GEN1: variants seen among roughly 807,000 people sequenced by gnomAD.
GEN1 encodes GEN1 structure-specific endonuclease, also known as flap endonuclease GEN homolog 1.
In GEN1, 64 loss-of-function variants were observed where a neutral mutation model predicts 67.6. That is an observed-to-expected ratio of 0.95 (90% CI 0.77 to 1.17). The LOEUF (loss-of-function observed/expected upper bound fraction) is 1.17, where lower values mean the gene tolerates loss of function less well. Ranked by LOEUF, GEN1 falls within the 50% of genes most tolerant of loss-of-function variation. GEN1 has a pLI of 0.00. For missense variants in GEN1, 1,058 were observed against 1,048.3 expected, an observed-to-expected ratio of 1.01 and a Z score of -0.13; for synonymous variants, 371 against 359.4, an observed-to-expected ratio of 1.03 and a Z score of -0.37.
In GEN1 at chr2:17,784,294, C is replaced by T. The variant is rs1329321814; in HGVS notation, c.*2355C>T. ...AAAACCACAAGACACCCAATGTCTA[C>T]AATCAAAAAGATAATAACTAGTATT... On this transcript the variant is annotated 3_prime_UTR_variant, in exon 14 of 14. Transcript: ENST00000381254. The T allele has an allele frequency of 6.6e-6, 1 of 152,048 alleles. No individual in the cohort carries two copies. Among genetic ancestry groups the T allele is most frequent in the Non-Finnish European group, 1.5e-5 (1 of 67,994 alleles). 9.4% of individuals were successfully genotyped at this position (152,048 alleles called of 1,614,324 possible).
At position 17,771,301 on chromosome 2, in the gene GEN1, G is replaced by A; in HGVS notation, c.802+14G>A. The stretch of plus-strand genomic sequence containing the variant: ...GTTCCCATCCAGGTAAGGAGACATA[G>A]GGAATGGTTATTAGTATCTCATACC... On this transcript the variant is annotated intron_variant, in intron 7 of 13. Transcript: ENST00000381254. 6.8e-7 allele frequency: 1 copy of A among 1,480,104 alleles called. No homozygotes were observed. The highest frequency in any genetic ancestry group is 9.4e-7 in the Non-Finnish European group (1 of 1,058,486). The allele number at this position is 1,480,104 out of a possible 1,614,324, so 91.7% of individuals were successfully genotyped here.
chr2:17,755,247 C>G (rs943875686), intron 1 of GEN1: 1 of 152,180 alleles, frequency 6.6e-6, no homozygotes, highest in South Asian at 2.1e-4. Flanking sequence ...ACTTACATGT[C>G]ACTTGCTTCA....
Position 17,787,159 on chromosome 2 carries a change from G to A in GEN1, c.*5220G>A, listed in dbSNP as rs901756983. 32 of 152,116 alleles carry A rather than the reference G, an allele frequency of 2.1e-4. No homozygotes were observed. The highest frequency in any genetic ancestry group is 7.7e-4 in the African/African-American group (32 of 41,410). The allele number at this position is 152,116 out of a possible 1,614,324, so 9.4% of individuals were successfully genotyped here. On this transcript the variant is annotated 3_prime_UTR_variant, in exon 14 of 14. Coordinates refer to ENST00000381254, the MANE Select transcript of GEN1 (RefSeq NM_001130009.3). ...ACATGTCATAACTTTATAATCCCAAGCAGAATTATTTGCTCTATACGTGTC... is the reference window on the plus strand; with the variant it reads ...ACATGTCATAACTTTATAATCCCAAACAGAATTATTTGCTCTATACGTGTC...
rs762102018 is a variant in GEN1, at chr2:17,784,437, T to C, written c.*2498T>C. On this transcript the variant is annotated 3_prime_UTR_variant, in exon 14 of 14. Coordinates refer to ENST00000381254, the MANE Select transcript of GEN1 (RefSeq NM_001130009.3). ...AATGGTTAAATGTAGAGTTACGATA[T>C]GATCCAGCAATTCCTCTCCCAGGTA... 2 of 152,246 alleles carry C rather than the reference T, an allele frequency of 1.3e-5. No individual in the cohort carries two copies. Among genetic ancestry groups the C allele is most frequent in the Non-Finnish European group, 2.9e-5 (2 of 68,038 alleles). 9.4% of individuals were successfully genotyped at this position (152,246 alleles called of 1,614,324 possible). A position where few individuals can be genotyped will look rare whatever the true frequency, so the allele number is the denominator to read the frequency against.
Position 17,786,018 on chromosome 2 carries a change from G to T in GEN1, c.*4079G>T, listed in dbSNP as rs1395733280. ...ATCTTGTCAGGCATACCTAGCTTCA[G>T]ATTCTTTTCTGCTAACAGATTTTCT... On this transcript the variant is annotated 3_prime_UTR_variant, in exon 14 of 14. Transcript: ENST00000381254. The T allele has an allele frequency of 3.9e-5, 6 of 152,190 alleles. No homozygotes were observed. Among genetic ancestry groups the T allele is most frequent in the Non-Finnish European group, 4.4e-5 (3 of 68,042 alleles). 9.4% of individuals were successfully genotyped at this position (152,190 alleles called of 1,614,324 possible).
In GEN1 at chr2:17,773,319, T is replaced by C. The variant is rs752956981; in HGVS notation, c.1071+20T>C. On this transcript the variant is annotated intron_variant, in intron 10 of 13. Coordinates refer to ENST00000381254, the MANE Select transcript of GEN1 (RefSeq NM_001130009.3). Reference sequence around the variant, plus strand: ...TTTCAGGTATCTGAAAATAAATTCTTCTTTACTGTATGAAGTTATATGCTG... The same window carrying C: ...TTTCAGGTATCTGAAAATAAATTCTCCTTTACTGTATGAAGTTATATGCTG... The C allele has an allele frequency of 7.0e-7, 1 of 1,425,928 alleles. No homozygotes were observed. The highest frequency in any genetic ancestry group is 1.8e-5 in the Admixed American group (1 of 55,554). 88.3% of individuals were successfully genotyped at this position (1,425,928 alleles called of 1,614,324 possible). A position where few individuals can be genotyped will look rare whatever the true frequency, so the allele number is the denominator to read the frequency against.
upstream of GEN1, among the ~76,000 whole-genome samples, chr2:17,753,467 G>A (rs1375738502): frequency 8.2e-6 from 1 of 121,818 alleles, no homozygotes; most frequent in East Asian, 2.0e-4. Flanking sequence ...CCGAGGAACG[G>A]ACATCTCCCG....
rs752033479 is a variant in GEN1, at chr2:17,785,999, T to A, written c.*4060T>A. The stretch of plus-strand genomic sequence containing the variant: ...GGGTAGCATGGCTTGAGCCATCTTG[T>A]CAGGCATACCTAGCTTCAGATTCTT... On this transcript the variant is annotated 3_prime_UTR_variant, in exon 14 of 14. Transcript: ENST00000381254. The A allele has an allele frequency of 2.6e-5, 4 of 152,264 alleles. No individual in the cohort carries two copies. Among genetic ancestry groups the A allele is most frequent in the Non-Finnish European group, 5.9e-5 (4 of 68,044 alleles). 9.4% of individuals were successfully genotyped at this position (152,264 alleles called of 1,614,324 possible).
chr2:17,788,060 C>T lies in GEN1; in HGVS notation c.*6121C>T, dbSNP rs566730692. 12 of 152,332 alleles carry T rather than the reference C, an allele frequency of 7.9e-5. No individual in the cohort carries two copies. The highest frequency in any genetic ancestry group is 2.2e-4 in the African/African-American group (9 of 41,576). The allele number at this position is 152,332 out of a possible 1,614,324, so 9.4% of individuals were successfully genotyped here. ...GGTGGATTAGCTTGATACCTAGTCG[C>T]CTTTAGCCACTTCAAGACGCCCTGC... On this transcript the variant is annotated 3_prime_UTR_variant, in exon 14 of 14. Transcript: ENST00000381254.
At chr2:17,759,386 A>G (rs73921075) in intron 1 of GEN1, among the ~76,000 whole-genome samples, 2 of 152,122 alleles carry the variant, frequency 1.3e-5, no homozygotes, top group Non-Finnish European at 1.5e-5. Context: ...GTTAAAAGTT[A>G]TAAGTGATTA....
chr2:17,759,455 C>T (rs1489439593), intron 1 of GEN1, among the ~76,000 whole-genome samples: 4 of 152,144 alleles, frequency 2.6e-5, no homozygotes, highest in South Asian at 4.1e-4. Flanking sequence ...AAAAAGCCAA[C>T]GCCCTTTTAA....
intron 3 of GEN1, among the ~76,000 whole-genome samples, chr2:17,762,200 G>T (rs76606624): frequency 3.6e-5 from 5 of 139,978 alleles, no homozygotes; most frequent in African/African-American, 5.3e-5. Flanking sequence ...TCTTTTTTTG[G>T]TTGTTTTTTT....
chr2:17,778,274 ATGTATATACACACACATG>A (rs1176720041), intron 12 of GEN1, among the ~76,000 whole-genome samples: 2,357 of 86,502 alleles, frequency 0.027, 434 homozygotes, highest in East Asian at 0.055. Context: ...GTGTACATAT[ATGTATATACACACACATG>A]TGTGTGTACA....
chr2:17,782,244 CT>C lies in GEN1; in HGVS notation c.*310del, dbSNP rs1672881913. On this transcript the variant is annotated 3_prime_UTR_variant, in exon 14 of 14. Coordinates refer to ENST00000381254, the MANE Select transcript of GEN1 (RefSeq NM_001130009.3). ...TACTTCATCTGATTGTTCATTTTTA[CT>C]TTTTCTTCCACAAGCCTCTAAAGTA... The C allele has an allele frequency of 1.6e-5, 3 of 183,932 alleles. No individual in the cohort carries two copies. In the Admixed American group the frequency reaches 1.8e-4, roughly 11 times the overall value. The allele number at this position is 183,932 out of a possible 1,614,324, so 11.4% of individuals were successfully genotyped here.
At chr2:17,769,632 G>A (rs1014908595) in intron 6 of GEN1, among the ~76,000 whole-genome samples, 10 of 152,102 alleles carry the variant, frequency 6.6e-5, no homozygotes, top group Admixed American at 2.6e-4. Context: ...AATCTTACTC[G>A]ACTGGCCTTT....
rs1290890809 is a variant in GEN1 at position 17,782,513 on chromosome 2, T to C, written c.*574T>C. The C allele has an allele frequency of 6.6e-6, 1 of 152,254 alleles. No individual in the cohort carries two copies. Among genetic ancestry groups the C allele is most frequent in the East Asian group, 1.9e-4 (1 of 5,206 alleles). 9.4% of individuals were successfully genotyped at this position (152,254 alleles called of 1,614,324 possible). ...ATACCTTTAGTGTGCTCTTCCACTT[T>C]TGGTGTCTTAGTCTCTTTTGAGGGG... is the stretch of plus-strand genomic sequence containing the variant. On this transcript the variant is annotated 3_prime_UTR_variant, in exon 14 of 14. Coordinates refer to ENST00000381254, the MANE Select transcript of GEN1 (RefSeq NM_001130009.3).
rs761334346 is a variant in GEN1, at chr2:17,766,002, A to AT, written c.526-571dup. Among the ~76,000 whole-genome samples, 3 of 151,890 alleles carry AT rather than the reference A, an allele frequency of 2.0e-5. No homozygotes were observed. In the East Asian group the frequency reaches 5.8e-4, roughly 29 times the overall value. ...TTTATTTTGTAAGATGGAAATCTAC[A>AT]TTTTTTAGACACCAGAAAGCAATAA... On this transcript the variant is annotated intron_variant, in intron 4 of 13. Coordinates refer to ENST00000381254, the MANE Select transcript of GEN1 (RefSeq NM_001130009.3).
In GEN1 at chr2:17,782,028, A is replaced by G. The variant is rs1020129797; in HGVS notation, c.*89A>G. ...GAAGGTATCTAGTTCATGTGTGGTA[A>G]AAATTTTAATGTTCTCTGTGTCATG... On this transcript the variant is annotated 3_prime_UTR_variant, in exon 14 of 14. Coordinates refer to ENST00000381254, the MANE Select transcript of GEN1 (RefSeq NM_001130009.3). 1.7e-5 allele frequency: 12 copies of G among 716,858 alleles called. No homozygotes were observed. The Admixed American group carries it at 2.2e-4, about 13-fold the overall frequency. The allele number at this position is 716,858 out of a possible 1,614,324, so 44.4% of individuals were successfully genotyped here. A position where few individuals can be genotyped will look rare whatever the true frequency, so the allele number is the denominator to read the frequency against.
At chr2:17,778,348 A>ATG (rs1491352787) in intron 12 of GEN1, among the ~76,000 whole-genome samples, 211 of 6,716 alleles carry the variant, frequency 0.031, 25 homozygotes, top group African/African-American at 0.038. Context: ...ATACACACAC[A>ATG]TGTGTGTACA....
Sources: gnomAD v4.1 joint callset for allele counts (sites outside exome capture counted in the v4.1 genomes callset) on GRCh38, gnomAD v4.1.1 for gene constraint, MANE v1.5 for transcripts, NCBI Gene and HGNC (gene_info 2026-07-23, HGNC 2026-07-21) for gene names.